The following SYNE2 variants were observed in gnomAD, a reference collection of about 807,000 sequenced individuals.
The protein encoded by SYNE2 is nesprin-2.
SYNE2 carries 431 observed loss-of-function variants against 856.3 expected under a neutral mutation model. The ratio of observed to expected loss-of-function variants is 0.50; its 90% confidence interval spans 0.47 to 0.55. The LOEUF is 0.55. Among genes scored for constraint, SYNE2 ranks in the 20% least tolerant of loss-of-function variants. The pLI, the probability that SYNE2 is intolerant of heterozygous loss-of-function variation, is 0.00. For missense variants in SYNE2, 8,129 were observed against 8,023.2 expected (o/e 1.01, Z -0.50); for synonymous variants, 2,923 against 2,872.3 (o/e 1.02, Z -0.56).
rs745582476 is a variant in SYNE2, at chr14:64,062,796, T to C, written c.10113T>C (p.Ile3371=). The C allele has an allele frequency of 5.0e-6, 8 of 1,614,074 alleles. No individual in the cohort carries two copies. The South Asian group carries it at 8.8e-5, about 18-fold the overall frequency. ...GCTATAGAAAAATGGAAGAGGATATTTACACTAACCTCAGCAAAATGGAGA... is the reference window on the plus strand; with the variant it reads ...GCTATAGAAAAATGGAAGAGGATATCTACACTAACCTCAGCAAAATGGAGA... ...YKCYRKMEED[I]YTNLSKMETV... The change falls in exon 50 of 116, where the codon ATT becomes ATC. Residue 3371 remains isoleucine, a synonymous_variant. Coordinates refer to ENST00000555002, the MANE Select transcript of SYNE2 (RefSeq NM_182914.3).
At chr14:64,065,777 A>G (rs892862753) in intron 51 of SYNE2, 127 bp downstream of exon 51, 14 of 1,010,906 alleles carry the variant, frequency 1.4e-5, no homozygotes, top group Middle Eastern at 2.6e-4. Context: ...TCACTTATAC[A>G]TGATACATAA....
chr14:64,219,563 T>C (rs2098685299), intron 110 of SYNE2, among the ~76,000 whole-genome samples, 153 bp downstream of exon 110: 1 of 152,214 alleles, frequency 6.6e-6, no homozygotes, highest in African/African-American at 2.4e-5. Context: ...GTTCCATAGT[T>C]GGCAAGGACA....
rs771837481 is a variant in SYNE2, at chr14:64,209,436, A to C, written c.18398A>C (p.Glu6133Ala). 6.2e-7 allele frequency: 1 copy of C among 1,614,236 alleles called. No individual in the cohort carries two copies. The part of the protein sequence containing the change: ...MSMERRMKIE[E>A]TWRLWQKFLD... Reference sequence around the variant, plus strand: ...TGCTTTGCTCCCATCAGAATCGAGGAGACGTGGCGCCTGTGGCAGAAGTTT... The same window carrying C: ...TGCTTTGCTCCCATCAGAATCGAGGCGACGTGGCGCCTGTGGCAGAAGTTT... The change falls in exon 102 of 116, where the codon GAG becomes GCG. Residue 6133 changes from glutamate to alanine, a missense_variant. By Grantham distance (107) the Glu-to-Ala change is moderately radical. This residue lies in a region of SYNE2 where 5,410 missense variants were observed against 5,284.8 expected (regional missense o/e 1.02). Transcript: ENST00000555002.
Position 64,175,078 on chromosome 14 carries a change from C to T in SYNE2, c.17370C>T (p.Ser5790=), listed in dbSNP as rs1473675510. The change falls in exon 95 of 116, where the codon AGC becomes AGT. Residue 5790 remains serine, a synonymous_variant. Transcript: ENST00000555002. ...VGRRISQLQD[S]WKDMEPQLAE... is the part of the protein sequence containing the mutation. ...GGAGAATCAGTCAACTTCAGGACAG[C>T]TGGAAAGACATGGAGCCCCAGCTGG... 1 of 1,614,176 alleles carries T rather than the reference C, an allele frequency of 6.2e-7. No individual in the cohort carries two copies. Among genetic ancestry groups the T allele is most frequent in the East Asian group, 2.2e-5 (1 of 44,872 alleles).
Position 64,116,074 on chromosome 14 carries a change from G to A in SYNE2, c.12840+2503G>A, listed in dbSNP as rs372869883. ...TAGTCCCAGCTACCTGGGAGGCTGA[G>A]GCACTAATATCTCTTAAGCCCAAGA... On this transcript the variant is annotated intron_variant, in intron 66 of 115. Coordinates refer to ENST00000555002, the MANE Select transcript of SYNE2 (RefSeq NM_182914.3). Among the ~76,000 whole-genome samples the A allele has an allele frequency of 3.3e-5, 5 of 152,150 alleles. No individual in the cohort carries two copies. In the East Asian group the frequency reaches 9.7e-4, roughly 29 times the overall value.
chr14:64,122,379 A>T lies in SYNE2; in HGVS notation c.13374A>T (p.Glu4458Asp), dbSNP rs745685655. 5.6e-6 allele frequency: 9 copies of T among 1,614,032 alleles called. No homozygotes were observed. Among genetic ancestry groups the T allele is most frequent in the Non-Finnish European group, 7.6e-6 (9 of 1,179,996 alleles). ...NGDKWQYLHH[E>D]LSSKIKLPLP... Reference sequence around the variant, plus strand: ...ATAAGTGGCAATATCTGCATCATGAACTCTCATCAAAAATAAAGCTCCCAC... The same window carrying T: ...ATAAGTGGCAATATCTGCATCATGATCTCTCATCAAAAATAAAGCTCCCAC... The change falls in exon 70 of 116, where the codon GAA becomes GAT. Residue 4458 changes from glutamate to aspartate, a missense_variant. By Grantham distance (45) the Glu-to-Asp change is conservative. Transcript: ENST00000555002.
chr14:63,942,020 C>T (rs1595772681), intron 5 of SYNE2, 31 bp from the exon 6 acceptor site: 2 of 1,597,940 alleles, frequency 1.3e-6, no homozygotes, highest in East Asian at 4.5e-5. Context: ...GGGATATTTC[C>T]TCCTTTTAAC....
upstream of SYNE2, among the ~76,000 whole-genome samples, chr14:63,851,375 C>A (rs183878467): frequency 6.6e-6 from 1 of 151,956 alleles, no homozygotes; most frequent in South Asian, 2.1e-4. Flanking sequence ...AACAAACGAA[C>A]GAACAAACAA....
chr14:63,913,837 T>TTTTTTTAATTTAATTTAATTTTAAA (rs1555374729), intron 2 of SYNE2, among the ~76,000 whole-genome samples: 12 of 145,720 alleles, frequency 8.2e-5, no homozygotes, highest in Non-Finnish European at 1.7e-4. Flanking sequence ...CTGTTTAAAA[T>TTTTTTTAATTTAATTTAATTTTAAA]TTTTTAAATT....
chr14:64,107,642 A>G (rs369540589), intron 65 of SYNE2, 35 bp downstream of exon 65: 31 of 1,513,408 alleles, frequency 2.0e-5, no homozygotes, highest in Middle Eastern at 1.7e-4. Flanking sequence ...AACTGCTCAG[A>G]TAGCTGGACT....
chr14:63,817,463 T>C (rs1045199610), intron 1 of SYNE2, among the ~76,000 whole-genome samples: 2 of 151,746 alleles, frequency 1.3e-5, no homozygotes, highest in Non-Finnish European at 2.9e-5. Context: ...CCAGACCCTG[T>C]CTCAAAAAAC....
At chr14:64,109,689 TC>T (rs1181026868) in intron 65 of SYNE2, among the ~76,000 whole-genome samples, 1 of 152,240 alleles carries the variant, frequency 6.6e-6, no homozygotes, top group Non-Finnish European at 1.5e-5. Context: ...TTTGTCCACT[TC>T]TGATTATTCA....
intron 1 of SYNE2, among the ~76,000 whole-genome samples, chr14:63,896,548 T>C (rs2095255924): frequency 6.6e-6 from 1 of 152,152 alleles, no homozygotes; most frequent in Admixed American, 6.5e-5. Context: ...TTGGGTTAGA[T>C]TCCTTGGCAG....
At chr14:63,978,053 A>G (rs538792265) in intron 13 of SYNE2, 36 bp downstream of exon 13, 7 of 1,378,370 alleles carry the variant, frequency 5.1e-6, no homozygotes, top group South Asian at 2.3e-5. Flanking sequence ...TGCTGTCACT[A>G]TTCACGTTTG....
At chr14:63,934,090 G>A (rs1451496149) in intron 2 of SYNE2, among the ~76,000 whole-genome samples, 2 of 152,194 alleles carry the variant, frequency 1.3e-5, no homozygotes, top group Non-Finnish European at 2.9e-5. Context: ...ATTAAGCAAA[G>A]GTTCTTTATT....
intron 99 of SYNE2, among the ~76,000 whole-genome samples, chr14:64,193,558 A>G (rs1046986627): frequency 5.9e-5 from 9 of 152,180 alleles, no homozygotes; most frequent in Admixed American, 2.0e-4. Context: ...CAAAAAAAAA[A>G]AAGATTGGAA....
At chr14:64,170,521 T>C in intron 94 of SYNE2, 59 bp downstream of exon 94, 1 of 1,486,942 alleles carries the variant, frequency 6.7e-7, no homozygotes, top group South Asian at 1.2e-5. Context: ...TGCAAGATGT[T>C]CATTCACCTT....
chr14:64,202,761 T>TG (rs765238810), intron 99 of SYNE2, 40 bp from the exon 100 acceptor site: 4 of 1,613,696 alleles, frequency 2.5e-6, no homozygotes, highest in Non-Finnish European at 3.4e-6. Flanking sequence ...CATCACTGGT[T>TG]TTTTTTTGTT....
intron 70 of SYNE2, 55 bp from the exon 71 acceptor site, chr14:64,125,024 T>C: frequency 6.2e-7 from 1 of 1,602,914 alleles, no homozygotes; most frequent in Non-Finnish European, 8.5e-7. Flanking sequence ...AATAAATTAA[T>C]TAACATCAGC....
Sources: gnomAD v4.1 joint callset for allele counts (sites outside exome capture counted in the v4.1 genomes callset) on GRCh38, gnomAD v4.1.1 for gene constraint, gnomAD v4.1.1 regional missense constraint, MANE v1.5 for transcripts, NCBI Gene and HGNC (gene_info 2026-07-23, HGNC 2026-07-21) for gene names.